Variants in ST6GALNAC5 observed in about 807,000 individuals in gnomAD.
ST6GALNAC5 encodes the protein ST6 N-acetylgalactosaminide alpha-2,6-sialyltransferase 5.
Under a neutral mutation model 33.6 loss-of-function variants are expected in ST6GALNAC5, and 27 were observed. The ratio of observed to expected loss-of-function variants is 0.80; its 90% confidence interval spans 0.59 to 1.11. The LOEUF is 1.11. Among genes scored for constraint, ST6GALNAC5 ranks in the 50% least tolerant of loss-of-function variants. The probability of loss-of-function intolerance (pLI) is 0.00; values close to 1 mark genes in which losing one functional copy is unlikely to be tolerated. For missense variants in ST6GALNAC5, 428 were observed against 454.0 expected (o/e 0.94, Z 0.52); for synonymous variants, 194 against 171.2 (o/e 1.13, Z -1.04).
intron 4 of ST6GALNAC5, among the ~76,000 whole-genome samples, chr1:77,057,448 C>T (rs1026735381): frequency 6.6e-6 from 1 of 152,152 alleles, no homozygotes; most frequent in African/African-American, 2.4e-5. Flanking sequence ...GGGAGACCTC[C>T]TTATTTTTAT....
intron 2 of ST6GALNAC5, among the ~76,000 whole-genome samples, chr1:76,917,986 T>C (rs1646992421): frequency 1.3e-5 from 2 of 152,222 alleles, no homozygotes; most frequent in Admixed American, 1.3e-4. Context: ...TTACTCATTC[T>C]ACCAGTTCAG....
At chr1:76,931,553 T>C (rs1647142069) in intron 2 of ST6GALNAC5, among the ~76,000 whole-genome samples, 2 of 152,162 alleles carry the variant, frequency 1.3e-5, no homozygotes, top group Non-Finnish European at 1.5e-5. Flanking sequence ...TTTAAGTATA[T>C]GATACTTAGC....
chr1:76,962,734 A>T, intron 2 of ST6GALNAC5, among the ~76,000 whole-genome samples: 1 of 152,218 alleles, frequency 6.6e-6, no homozygotes. Context: ...TAACAAAGAG[A>T]TGGTGTTAAT....
chr1:77,047,796 CT>C (rs1367374910), intron 3 of ST6GALNAC5, among the ~76,000 whole-genome samples: 5 of 152,092 alleles, frequency 3.3e-5, no homozygotes, highest in African/African-American at 1.2e-4. Flanking sequence ...CAGAAAGGCC[CT>C]TAATTGTAAT....
intron 2 of ST6GALNAC5, among the ~76,000 whole-genome samples, chr1:76,908,213 A>G (rs1407992974): frequency 2.6e-5 from 4 of 152,124 alleles, no homozygotes; most frequent in African/African-American, 4.8e-5. Flanking sequence ...CTTATAAACA[A>G]TAGAAATGTA....
chr1:76,906,204 T>C (rs1436175514), intron 2 of ST6GALNAC5, among the ~76,000 whole-genome samples: 3 of 152,306 alleles, frequency 2.0e-5, no homozygotes, highest in East Asian at 3.9e-4. Flanking sequence ...TGGGCACTGA[T>C]ATAGCTGAGT....
chr1:76,939,794 G>A (rs1291464827), intron 2 of ST6GALNAC5, among the ~76,000 whole-genome samples: 1 of 152,100 alleles, frequency 6.6e-6, no homozygotes, highest in Middle Eastern at 3.2e-3. Context: ...ACAGAATACA[G>A]CAAGACAAAC....
At chr1:77,004,162 C>G (rs1650291298) in intron 2 of ST6GALNAC5, among the ~76,000 whole-genome samples, 2 of 151,792 alleles carry the variant, frequency 1.3e-5, no homozygotes, top group Admixed American at 1.3e-4. Flanking sequence ...TTCACATAGT[C>G]CCATATTTCT....
At chr1:77,041,320 A>G (rs1651823533) in intron 2 of ST6GALNAC5, among the ~76,000 whole-genome samples, 1 of 152,026 alleles carries the variant, frequency 6.6e-6, no homozygotes, top group Non-Finnish European at 1.5e-5. Flanking sequence ...CAGTTCTGTC[A>G]TGGTTTGTCT....
chr1:76,886,054 G>A (rs909728680), intron 2 of ST6GALNAC5, among the ~76,000 whole-genome samples: 3 of 152,058 alleles, frequency 2.0e-5, no homozygotes, highest in East Asian at 1.9e-4. Context: ...TTATTTTCCC[G>A]GCTTCTGCTC....
intron 2 of ST6GALNAC5, among the ~76,000 whole-genome samples, chr1:76,949,610 G>A (rs1647665659): frequency 6.6e-6 from 1 of 152,066 alleles, no homozygotes; most frequent in African/African-American, 2.4e-5. Flanking sequence ...TGTTATTCTG[G>A]GCATCTGTGT....
At chr1:76,922,680 CA>C (rs1237999574) in intron 2 of ST6GALNAC5, among the ~76,000 whole-genome samples, 2 of 152,044 alleles carry the variant, frequency 1.3e-5, no homozygotes, top group Non-Finnish European at 1.5e-5. Flanking sequence ...TAGACCCACA[CA>C]AATATATACA....
At chr1:76,989,931 C>A (rs1419786128) in intron 2 of ST6GALNAC5, among the ~76,000 whole-genome samples, 5 of 152,138 alleles carry the variant, frequency 3.3e-5, no homozygotes, top group Non-Finnish European at 7.3e-5. Flanking sequence ...CATGGCTGGT[C>A]TCCTACAACT....
chr1:76,964,334 T>C (rs1387753184), intron 2 of ST6GALNAC5, among the ~76,000 whole-genome samples: 1 of 152,154 alleles, frequency 6.6e-6, no homozygotes, highest in Non-Finnish European at 1.5e-5. Flanking sequence ...TTCAGAGTTG[T>C]CCTCTTGAAA....
chr1:77,018,293 C>CA (rs1463776622), intron 2 of ST6GALNAC5, among the ~76,000 whole-genome samples: 4 of 152,126 alleles, frequency 2.6e-5, no homozygotes, highest in African/African-American at 9.7e-5. Flanking sequence ...AACTTCCTAC[C>CA]AACAGTTAAG....
intron 2 of ST6GALNAC5, among the ~76,000 whole-genome samples, chr1:76,925,933 C>T (rs1174008370): frequency 6.6e-6 from 1 of 152,080 alleles, no homozygotes; most frequent in African/African-American, 2.4e-5. Flanking sequence ...ACTTTCAACC[C>T]ACATGCAGCT....
At chr1:76,997,928 T>G (rs778511383) in intron 2 of ST6GALNAC5, among the ~76,000 whole-genome samples, 1 of 152,168 alleles carries the variant, frequency 6.6e-6, no homozygotes, top group Non-Finnish European at 1.5e-5. Context: ...AATTGAATCA[T>G]GGTGGCAGTT....
At chr1:76,974,369 T>C (rs1463229023) in intron 2 of ST6GALNAC5, among the ~76,000 whole-genome samples, 2 of 151,882 alleles carry the variant, frequency 1.3e-5, no homozygotes, top group African/African-American at 4.8e-5. Flanking sequence ...CCACACTCAG[T>C]TGATTTTTTA....
chr1:77,044,342 G>A lies in ST6GALNAC5; in HGVS notation c.400G>A (p.Asp134Asn), dbSNP rs973086994. The change falls in exon 3 of 5, where the codon GAC (aspartate) becomes AAC (asparagine). Residue 134 changes from aspartate to asparagine, a missense_variant. By Grantham distance (23) the Asp-to-Asn change is conservative. Coordinates refer to ENST00000477717, the MANE Select transcript of ST6GALNAC5 (RefSeq NM_030965.3). ...NDAPTRGYGR[D>N]VGNRTSLRVI... ...CGCCCCCACACGCGGCTATGGGCGT[G>A]ACGTGGGCAATCGCACCAGCCTGAG... 7 of 1,613,892 alleles carry A rather than the reference G, an allele frequency of 4.3e-6. No homozygotes were observed. Among genetic ancestry groups the A allele is most frequent in the Admixed American group, 3.3e-5 (2 of 60,004 alleles).
Sources: allele counts gnomAD v4.1 joint callset (sites outside exome capture counted in the v4.1 genomes callset), GRCh38; gene constraint gnomAD v4.1.1; transcripts MANE v1.5; gene names NCBI Gene and HGNC (gene_info 2026-07-23, HGNC 2026-07-21).